Variants in CYB561A3 observed in about 807,000 individuals in gnomAD.
The protein encoded by CYB561A3 is lysosomal membrane ascorbate-dependent ferrireductase CYB561A3.
In CYB561A3, 16 loss-of-function variants were observed where a neutral mutation model predicts 25.3. The observed-to-expected ratio is 0.63, with a 90% CI of 0.43 to 0.96. The LOEUF (loss-of-function observed/expected upper bound fraction) is 0.96, where lower values mean the gene tolerates loss of function less well. Ranked by LOEUF, CYB561A3 falls within the 40% of genes least tolerant of loss-of-function variation. CYB561A3 has a pLI of 0.00. For missense variants in CYB561A3, 219 were observed against 307.5 expected (o/e 0.71, Z 2.15); for synonymous variants, 131 against 129.9 (o/e 1.01, Z -0.06).
intron 2 of CYB561A3, chr11:61,357,182 G>C (rs1438072703): frequency 6.4e-7 from 1 of 1,551,484 alleles, no homozygotes; most frequent in Non-Finnish European, 8.7e-7. Context: ...AGTCTGAAAA[G>C]AGCAAACACC....
At chr11:61,360,389 C>T (rs1332610372) in intron 1 of CYB561A3, 2 of 152,232 alleles carry the variant, frequency 1.3e-5, no homozygotes, top group Non-Finnish European at 2.9e-5. Context: ...GCAAGCTCTT[C>T]TGTAAAGGTC....
At chr11:61,361,426 T>A (rs543596927) in intron 1 of CYB561A3, among the ~76,000 whole-genome samples, 1 of 152,296 alleles carries the variant, frequency 6.6e-6, no homozygotes, top group African/African-American at 2.4e-5. Flanking sequence ...TAGGTCCGGC[T>A]CAGGTGTCCA....
At chr11:61,353,471 G>C in intron 4 of CYB561A3, 1 of 652,146 alleles carries the variant, frequency 1.5e-6, no homozygotes, top group Non-Finnish European at 2.8e-6. Flanking sequence ...GAATTCTTTT[G>C]GTTCACAGAG....
In CYB561A3 at chr11:61,356,688, G is replaced by C. The variant is rs773629309; in HGVS notation, c.26C>G (p.Ser9Cys). The C allele has an allele frequency of 1.2e-6, 2 of 1,614,166 alleles. No individual in the cohort carries two copies. Among genetic ancestry groups the C allele is most frequent in the South Asian group, 2.2e-5 (2 of 91,084 alleles). Reference sequence around the variant, plus strand: ...GCCCAGGGACCCCAGCAGCAGGCAGGACAAGTAGAACCGTCCAGACACCAT... The same window carrying C: ...GCCCAGGGACCCCAGCAGCAGGCAGCACAAGTAGAACCGTCCAGACACCAT... MVSGRFYL[S>C]CLLLGSLGSM... Residue 9 changes from serine (S) to cysteine (C), a missense_variant, in exon 3 of 7, where the codon TCC (serine) becomes TGC (cysteine). Physicochemically the swap from Ser to Cys is moderately radical, Grantham distance 112. Coordinates refer to ENST00000294072, the MANE Select transcript of CYB561A3 (RefSeq NM_153611.6).
intron 3 of CYB561A3, 57 bp downstream of exon 3, chr11:61,356,473 G>C: frequency 1.3e-6 from 2 of 1,527,404 alleles, no homozygotes; most frequent in Non-Finnish European, 1.8e-6. Flanking sequence ...GAGAGGGAAA[G>C]TGCAGCTTTG....
At chr11:61,360,598 A>C (rs1857816491) in intron 1 of CYB561A3, 1 of 152,220 alleles carries the variant, frequency 6.6e-6, no homozygotes, top group Non-Finnish European at 1.5e-5. Flanking sequence ...ACTTCTTGCG[A>C]AAAAGGATTC....
At chr11:61,358,470 C>T (rs997808743) in intron 1 of CYB561A3, 1 of 151,528 alleles carries the variant, frequency 6.6e-6, no homozygotes, top group Non-Finnish European at 1.5e-5. Flanking sequence ...ACCTGTAATC[C>T]TAGCACTTTG....
rs1306745043 is a variant in CYB561A3 at position 61,353,970 on chromosome 11, G to A, written c.207C>T (p.Pro69=). The A allele has an allele frequency of 1.2e-6, 2 of 1,614,160 alleles. No homozygotes were observed. Among genetic ancestry groups the A allele is most frequent in the Admixed American group, 1.7e-5 (1 of 60,016 alleles). The change falls in exon 4 of 7, where the codon CCC becomes CCT. Residue 69 remains proline, a synonymous_variant. Transcript: ENST00000294072. The stretch of plus-strand genomic sequence containing the variant: ...GCAGTTTGGGCCCCACCCACGACTG[G>A]GGCAGGCGGTACACCAGTGACGCTG... ...YGGASLVYRL[P]QSWVGPKLPW...
intron 5 of CYB561A3, chr11:61,352,275 C>T (rs7940261): frequency 0.96 from 145,780 of 152,498 alleles, 69,973 homozygotes; most frequent in East Asian, 1. Context: ...TGTGTGCCCT[C>T]GGGTAAGTTA....
Position 61,348,994 on chromosome 11 carries a change from G to C in CYB561A3, c.*1405C>G, listed in dbSNP as rs1857272784. ...ACATCTGGCAATGTGAGGCTGGGGT[G>C]GACGTTGGCCTGATGTTGCCAGGAG... On this transcript the variant is annotated 3_prime_UTR_variant, in exon 7 of 7. Transcript: ENST00000294072. 1 of 156,364 alleles carries C rather than the reference G, an allele frequency of 6.4e-6. No homozygotes were observed. Among genetic ancestry groups the C allele is most frequent in the South Asian group, 1.9e-4 (1 of 5,218 alleles). The allele number at this position is 156,364 out of a possible 1,614,324, so 9.7% of individuals were successfully genotyped here.
Position 61,356,722 on chromosome 11 carries a change from C to T in CYB561A3, c.-9G>A, listed in dbSNP as rs370931902. 7.1e-5 allele frequency: 114 copies of T among 1,613,590 alleles called. No homozygotes were observed. The highest frequency in any genetic ancestry group is 1.3e-4 in the African/African-American group (10 of 74,918). On this transcript the variant is annotated 5_prime_UTR_variant, in exon 3 of 7. It adds an upstream start codon to the 5' untranslated region. Coordinates refer to ENST00000294072, the MANE Select transcript of CYB561A3 (RefSeq NM_153611.6). Reference sequence around the variant, plus strand: ...AACCGTCCAGACACCATTCTGATCACGCACTCCTAGAAGAAGGAGAAGTCA... The same window carrying T: ...AACCGTCCAGACACCATTCTGATCATGCACTCCTAGAAGAAGGAGAAGTCA...
intron 4 of CYB561A3, chr11:61,353,367 CA>C: frequency 1.6e-6 from 1 of 627,338 alleles, no homozygotes; most frequent in Non-Finnish European, 2.7e-6. Flanking sequence ...CCAGCAAACC[CA>C]ACCACCTTGT....
Position 61,350,048 on chromosome 11 carries a change from C to T in CYB561A3, c.*351G>A. The T allele has an allele frequency of 2.0e-6, 1 of 507,484 alleles. No homozygotes were observed. The highest frequency in any genetic ancestry group is 3.6e-6 in the Non-Finnish European group (1 of 279,870). The allele number at this position is 507,484 out of a possible 1,614,324, so 31.4% of individuals were successfully genotyped here. On this transcript the variant is annotated 3_prime_UTR_variant, in exon 7 of 7. Coordinates refer to ENST00000294072, the MANE Select transcript of CYB561A3 (RefSeq NM_153611.6). ...AGGAGGACCTCGTGTGAATGGAGGA[C>T]CTGAGAGGCTGACGCCAAGGAGTGC... is the stretch of plus-strand genomic sequence containing the variant.
Position 61,349,244 on chromosome 11 carries a change from G to A in CYB561A3, c.*1155C>T. The A allele has an allele frequency of 2.6e-6, 1 of 381,072 alleles. No homozygotes were observed. Among genetic ancestry groups the A allele is most frequent in the Non-Finnish European group, 5.0e-6 (1 of 198,426 alleles). 23.6% of individuals were successfully genotyped at this position (381,072 alleles called of 1,614,324 possible). ...AGCTCTAGCATGGCACAGAACGCTA[G>A]GTTGGGCCAGGCAAGCAGCCATGGT... On this transcript the variant is annotated 3_prime_UTR_variant, in exon 7 of 7. Coordinates refer to ENST00000294072, the MANE Select transcript of CYB561A3 (RefSeq NM_153611.6).
chr11:61,355,111 G>A (rs112576300), intron 3 of CYB561A3, among the ~76,000 whole-genome samples: 163 of 151,864 alleles, frequency 1.1e-3, no homozygotes, highest in Admixed American at 3.0e-3. Flanking sequence ...CTCATGATCC[G>A]CCCACCTCAG....
intron 3 of CYB561A3, among the ~76,000 whole-genome samples, chr11:61,355,165 G>T (rs1857600743): frequency 6.6e-6 from 1 of 152,050 alleles, no homozygotes; most frequent in South Asian, 2.1e-4. Context: ...ACCACGCCTG[G>T]CCTGGCCTCT....
chr11:61,357,677 T>A (rs1264629174), intron 2 of CYB561A3, 56 bp downstream of exon 2: 1 of 165,566 alleles, frequency 6.0e-6, no homozygotes, highest in African/African-American at 2.4e-5. Context: ...GGTCCCTCAC[T>A]CGGAAGCAGC....
At chr11:61,355,701 A>G (rs1344859678) in intron 3 of CYB561A3, among the ~76,000 whole-genome samples, 2 of 151,368 alleles carry the variant, frequency 1.3e-5, no homozygotes, top group African/African-American at 2.4e-5. Context: ...AAAAAAAAAA[A>G]AAGATGGATC....
chr11:61,350,917 C>T (rs192139282), intron 6 of CYB561A3, 74 bp downstream of exon 6: 3 of 1,525,546 alleles, frequency 2.0e-6, no homozygotes, highest in East Asian at 4.7e-5. Context: ...TTGTCAAGGC[C>T]CCAGCCTTTC....
Sources: gnomAD v4.1 joint callset for allele counts (sites outside exome capture counted in the v4.1 genomes callset) on GRCh38, gnomAD v4.1.1 for gene constraint, MANE v1.5 for transcripts, NCBI Gene and HGNC (gene_info 2026-07-23, HGNC 2026-07-21) for gene names.